Variants in KCNIP4 observed in about 807,000 individuals in gnomAD.
The protein encoded by KCNIP4 is potassium voltage-gated channel interacting protein 4, also known as Kv channel-interacting protein 4.
In KCNIP4, 12 loss-of-function variants were observed where a neutral mutation model predicts 34.0. That is an observed-to-expected ratio of 0.35 (90% CI 0.23 to 0.57). The LOEUF is 0.57. KCNIP4 is among the 20% of genes least tolerant of loss of function. The pLI, the probability that KCNIP4 is intolerant of heterozygous loss-of-function variation, is 0.83. For missense variants in KCNIP4, 238 were observed against 311.7 expected (o/e 0.76, Z 1.78); for synonymous variants, 124 against 102.2 (o/e 1.21, Z -1.29).
chr4:21,620,361 G>T (rs1341810716), intron 1 of KCNIP4, among the ~76,000 whole-genome samples: 3 of 152,086 alleles, frequency 2.0e-5, no homozygotes, highest in Admixed American at 2.0e-4. Flanking sequence ...AATTAGCTGG[G>T]CATGATGGCA....
chr4:20,739,988 G>A (rs1218910429), intron 5 of KCNIP4, among the ~76,000 whole-genome samples: 2 of 152,250 alleles, frequency 1.3e-5, no homozygotes, highest in South Asian at 2.1e-4. Flanking sequence ...GGAAGAAAGG[G>A]TATCAGTGAT....
chr4:21,156,609 A>G (rs1439415116), intron 1 of KCNIP4, among the ~76,000 whole-genome samples: 1 of 152,182 alleles, frequency 6.6e-6, no homozygotes, highest in Non-Finnish European at 1.5e-5. Context: ...TGTTATTAAC[A>G]TTACCATTTA....
intron 1 of KCNIP4, among the ~76,000 whole-genome samples, chr4:21,507,270 A>T (rs1410476466): frequency 7.0e-6 from 1 of 142,056 alleles, no homozygotes; most frequent in Non-Finnish European, 1.6e-5. Flanking sequence ...TTTTATTTTA[A>T]TTTTTTTTTT....
chr4:21,304,814 C>T (rs1175221146), intron 1 of KCNIP4, among the ~76,000 whole-genome samples: 1 of 152,128 alleles, frequency 6.6e-6, no homozygotes, highest in East Asian at 1.9e-4. Context: ...AATAAGTATT[C>T]ATCATATTTG....
At chr4:20,837,588 A>G (rs1224817554) in intron 3 of KCNIP4, among the ~76,000 whole-genome samples, 3 of 151,336 alleles carry the variant, frequency 2.0e-5, no homozygotes, top group Non-Finnish European at 4.4e-5. Context: ...ACGAATATGT[A>G]CTGAACTTGA....
chr4:21,169,501 T>C (rs1753856600), intron 1 of KCNIP4, among the ~76,000 whole-genome samples: 1 of 152,098 alleles, frequency 6.6e-6, no homozygotes, highest in South Asian at 2.1e-4. Context: ...AATAGTGTTA[T>C]CAGAAGTTGT....
intron 1 of KCNIP4, among the ~76,000 whole-genome samples, chr4:21,097,568 G>A (rs1747573986): frequency 6.6e-6 from 1 of 152,022 alleles, no homozygotes; most frequent in African/African-American, 2.4e-5. Flanking sequence ...TATTACATCT[G>A]TCTTGGTGAT....
intron 3 of KCNIP4, among the ~76,000 whole-genome samples, chr4:20,791,134 A>C (rs2149404049): frequency 6.6e-6 from 1 of 152,334 alleles, no homozygotes; most frequent in South Asian, 2.1e-4. Context: ...AAATAATGCA[A>C]GTTAGAAGAC....
At chr4:21,810,129 G>A (rs184671324) in intron 1 of KCNIP4, among the ~76,000 whole-genome samples, 2 of 152,286 alleles carry the variant, frequency 1.3e-5, no homozygotes, top group Admixed American at 1.3e-4. Flanking sequence ...AGAGGGGACT[G>A]AGACCAATGG....
intron 3 of KCNIP4, among the ~76,000 whole-genome samples, chr4:20,760,948 G>T (rs1455762909): frequency 6.6e-6 from 1 of 152,198 alleles, no homozygotes; most frequent in South Asian, 2.1e-4. Context: ...GGATAGTTCT[G>T]TAAGGGTGTT....
chr4:21,227,744 T>C (rs1758505908), intron 1 of KCNIP4, among the ~76,000 whole-genome samples: 1 of 152,130 alleles, frequency 6.6e-6, no homozygotes, highest in East Asian at 1.9e-4. Context: ...AGTTATTTAT[T>C]GATTGCATGT....
intron 1 of KCNIP4, among the ~76,000 whole-genome samples, chr4:21,885,712 T>G (rs934182022): frequency 6.6e-6 from 1 of 152,154 alleles, no homozygotes; most frequent in African/African-American, 2.4e-5. Context: ...AGGACTAGAT[T>G]TTCAGACGGA....
intron 1 of KCNIP4, among the ~76,000 whole-genome samples, chr4:21,256,109 A>G (rs563615291): frequency 5.8e-4 from 89 of 152,336 alleles, no homozygotes; most frequent in African/African-American, 2.1e-3. Flanking sequence ...ATGTGCTAGA[A>G]GTGGGGTAAG....
At chr4:21,700,139 GTTTT>G (rs1040427255) in intron 1 of KCNIP4, among the ~76,000 whole-genome samples, 2 of 152,126 alleles carry the variant, frequency 1.3e-5, no homozygotes, top group Admixed American at 6.6e-5. Flanking sequence ...TGATAATTGA[GTTTT>G]TTGAGATACT....
chr4:21,141,677 A>G (rs747508308), intron 1 of KCNIP4, among the ~76,000 whole-genome samples: 12 of 152,188 alleles, frequency 7.9e-5, no homozygotes, highest in Non-Finnish European at 1.6e-4. Context: ...AGTATGACCC[A>G]TCTTTTATTG....
At chr4:20,855,254 T>C (rs908812662) in intron 2 of KCNIP4, among the ~76,000 whole-genome samples, 1 of 152,156 alleles carries the variant, frequency 6.6e-6, no homozygotes, top group Non-Finnish European at 1.5e-5. Flanking sequence ...TAGTGGCCTA[T>C]AGGAATTCTC....
intron 1 of KCNIP4, among the ~76,000 whole-genome samples, chr4:21,079,206 A>G (rs1033286685): frequency 6.6e-6 from 1 of 152,074 alleles, no homozygotes; most frequent in Non-Finnish European, 1.5e-5. Context: ...TTGACAACAC[A>G]TCTATGACCC....
chr4:21,441,459 T>C (rs1229356295), intron 1 of KCNIP4, among the ~76,000 whole-genome samples: 1 of 152,114 alleles, frequency 6.6e-6, no homozygotes, highest in African/African-American at 2.4e-5. Context: ...CCTTTCTTAA[T>C]GTCCCTTTCC....
At chr4:21,099,776 G>A (rs187396857) in intron 1 of KCNIP4, among the ~76,000 whole-genome samples, 3 of 152,244 alleles carry the variant, frequency 2.0e-5, no homozygotes, top group Admixed American at 2.0e-4. Flanking sequence ...CATAATTCAT[G>A]GGAGAAGGTC....
Sources: allele counts gnomAD v4.1 joint callset (sites outside exome capture counted in the v4.1 genomes callset), GRCh38; gene constraint gnomAD v4.1.1; transcripts MANE v1.5; gene names NCBI Gene and HGNC (gene_info 2026-07-23, HGNC 2026-07-21).